AOPEP: variants seen among roughly 807,000 people sequenced by gnomAD.
AOPEP encodes the protein aminopeptidase O (putative), also known as aminopeptidase O.
AOPEP carries 77 observed loss-of-function variants against 98.1 expected under a neutral mutation model. The observed-to-expected ratio is 0.78, with a 90% CI of 0.65 to 0.95. The LOEUF is 0.95. Ranked by LOEUF, AOPEP falls within the 40% of genes least tolerant of loss-of-function variation. AOPEP has a pLI of 0.00. For missense variants in AOPEP, 1,024 were observed against 1,024.7 expected (o/e 1.00, Z 0.01); for synonymous variants, 346 against 365.3 (o/e 0.95, Z 0.60).
chr9:95,041,049 C>CA (rs34241267), intron 13 of AOPEP, among the ~76,000 whole-genome samples: 114,324 of 144,144 alleles, frequency 0.79, 45,878 homozygotes, highest in Non-Finnish European at 0.88. Context: ...CTCCACACTC[C>CA]AAAAAAAAAA....
intron 13 of AOPEP, among the ~76,000 whole-genome samples, chr9:95,034,783 C>T: frequency 6.6e-6 from 1 of 152,124 alleles, no homozygotes; most frequent in Non-Finnish European, 1.5e-5. Flanking sequence ...TAAAGCGGAT[C>T]CTGGTTTGCT....
chr9:94,728,624 A>T (rs887295607), intron 1 of AOPEP, among the ~76,000 whole-genome samples: 9 of 152,208 alleles, frequency 5.9e-5, no homozygotes, highest in African/African-American at 1.9e-4. Flanking sequence ...AGACTGGAAC[A>T]TTCACATTTG....
chr9:95,086,257 A>C (rs1236606380), intron 16 of AOPEP: 3 of 1,218,446 alleles, frequency 2.5e-6, no homozygotes, highest in Non-Finnish European at 3.1e-6. Flanking sequence ...GGGTTTGTAG[A>C]CTTGGAAAAC....
At chr9:95,015,631 C>A (rs947629554) in intron 13 of AOPEP, among the ~76,000 whole-genome samples, 1 of 152,084 alleles carries the variant, frequency 6.6e-6, no homozygotes, top group Non-Finnish European at 1.5e-5. Context: ...TGAATCACAC[C>A]TGTATCAGAG....
intron 5 of AOPEP, among the ~76,000 whole-genome samples, chr9:94,847,152 A>ACACACACACACACT (rs1448564968): frequency 0.29 from 40,163 of 140,058 alleles, 6,498 homozygotes; most frequent in South Asian, 0.39. Flanking sequence ...ACACACACAC[A>ACACACACACACACT]CTCTCTCTGT....
downstream of AOPEP, among the ~76,000 whole-genome samples, chr9:95,091,428 C>A (rs532183989): frequency 1.2e-4 from 19 of 152,276 alleles, no homozygotes; most frequent in South Asian, 3.7e-3. Context: ...AGTGTGGTGG[C>A]TCTTTGGTTA....
chr9:95,108,343 G>A, the AOPEP span, among the ~76,000 whole-genome samples: 1 of 152,170 alleles, frequency 6.6e-6, no homozygotes, highest in Non-Finnish European at 1.5e-5. Context: ...CAGCCTGCCG[G>A]GTCTGATGGT....
intron 3 of AOPEP, among the ~76,000 whole-genome samples, chr9:94,782,140 A>G (rs1423286749): frequency 6.6e-6 from 1 of 151,906 alleles, no homozygotes; most frequent in Admixed American, 6.5e-5. Context: ...CAGTGAGCCA[A>G]GATCGTGCCA....
At chr9:94,903,591 C>A (rs565400616) in intron 5 of AOPEP, among the ~76,000 whole-genome samples, 2 of 150,120 alleles carry the variant, frequency 1.3e-5, no homozygotes, top group South Asian at 4.2e-4. Flanking sequence ...GAGTTCAAGA[C>A]CAGCCTGGGC....
intron 5 of AOPEP, among the ~76,000 whole-genome samples, chr9:94,896,681 A>G (rs555019894): frequency 6.6e-6 from 1 of 152,344 alleles, no homozygotes; most frequent in South Asian, 2.1e-4. Context: ...CATTCTGTAA[A>G]GTACTTGACC....
intron 5 of AOPEP, among the ~76,000 whole-genome samples, chr9:94,827,851 T>C (rs527375733): frequency 2.8e-4 from 42 of 152,342 alleles, no homozygotes; most frequent in African/African-American, 9.9e-4. Context: ...GTAGGCAGGC[T>C]GTAGTGTAGA....
At chr9:94,897,524 A>G (rs1285499003) in intron 5 of AOPEP, among the ~76,000 whole-genome samples, 4 of 152,220 alleles carry the variant, frequency 2.6e-5, no homozygotes, top group African/African-American at 9.6e-5. Flanking sequence ...AGAGTCAGAA[A>G]GTAAAATTCA....
chr9:95,023,946 C>A (rs1444181889), intron 13 of AOPEP, among the ~76,000 whole-genome samples: 1 of 152,118 alleles, frequency 6.6e-6, no homozygotes, highest in African/African-American at 2.4e-5. Context: ...TATAGGTAAG[C>A]CATAACATTA....
the AOPEP span, chr9:95,107,466 C>G: frequency 1.5e-5 from 10 of 648,122 alleles, no homozygotes; most frequent in Non-Finnish European, 2.5e-5. Context: ...TCTTGACTTT[C>G]TTTCGTCTTG....
chr9:94,842,041 A>T (rs2042330386), intron 5 of AOPEP, among the ~76,000 whole-genome samples: 1 of 152,138 alleles, frequency 6.6e-6, no homozygotes, highest in Non-Finnish European at 1.5e-5. Flanking sequence ...TGACAGAGCA[A>T]GACCTTGTCT....
chr9:95,148,764 G>A, the AOPEP span, among the ~76,000 whole-genome samples: 6 of 152,180 alleles, frequency 3.9e-5, no homozygotes, highest in Admixed American at 3.9e-4. Flanking sequence ...ACAGACCAAT[G>A]GGTTTCTAAT....
intron 10 of AOPEP, among the ~76,000 whole-genome samples, chr9:94,976,911 C>T (rs1414632597): frequency 6.6e-6 from 1 of 152,180 alleles, no homozygotes; most frequent in African/African-American, 2.4e-5. Context: ...AAGTGATCCT[C>T]CTGCCTCAGC....
intron 1 of AOPEP, among the ~76,000 whole-genome samples, chr9:94,753,717 C>T (rs1211173945): frequency 6.6e-6 from 1 of 152,090 alleles, no homozygotes; most frequent in Non-Finnish European, 1.5e-5. Context: ...TTTAAAAAGA[C>T]AGCCAAGGCA....
At chr9:95,026,544 G>A (rs907238984) in intron 13 of AOPEP, among the ~76,000 whole-genome samples, 21 of 152,118 alleles carry the variant, frequency 1.4e-4, no homozygotes, top group Admixed American at 9.8e-4. Flanking sequence ...TTTATTCCTG[G>A]ACAGTATTCC....
Sources: allele counts gnomAD v4.1 joint callset (sites outside exome capture counted in the v4.1 genomes callset), GRCh38; gene constraint gnomAD v4.1.1; transcripts MANE v1.5; gene names NCBI Gene and HGNC (gene_info 2026-07-23, HGNC 2026-07-21).